SEC23A: variants seen among roughly 807,000 people sequenced by gnomAD.
The protein encoded by SEC23A is protein transport protein Sec23A.
Under a neutral mutation model 103.7 loss-of-function variants are expected in SEC23A, and 56 were observed. The ratio of observed to expected loss-of-function variants is 0.54; its 90% CI spans 0.44 to 0.67. The LOEUF is 0.67. Ranked by LOEUF, SEC23A falls within the 30% of genes least tolerant of loss-of-function variation. The probability of loss-of-function intolerance (pLI) is 0.00; values close to 1 mark genes in which losing one functional copy is unlikely to be tolerated. For synonymous variants in SEC23A, 281 were observed against 293.0 expected (o/e 0.96, Z 0.42); for missense variants, 784 against 936.4 (o/e 0.84, Z 2.12).
chr14:39,069,401 A>G (rs1342109888), intron 9 of SEC23A, among the ~76,000 whole-genome samples: 2 of 151,416 alleles, frequency 1.3e-5, no homozygotes, highest in Non-Finnish European at 2.9e-5. Flanking sequence ...CTCCTCACTC[A>G]CTCCATTCCA....
At chr14:39,081,228 C>CAA (rs1212333615) in intron 7 of SEC23A, among the ~76,000 whole-genome samples, 11 of 150,572 alleles carry the variant, frequency 7.3e-5, no homozygotes, top group African/African-American at 2.7e-4. Context: ...AAAACACACA[C>CAA]ACATCAAGGT....
chr14:39,054,659 G>C, intron 14 of SEC23A, among the ~76,000 whole-genome samples: 1 of 152,006 alleles, frequency 6.6e-6, no homozygotes, highest in African/African-American at 2.4e-5. Flanking sequence ...GAGAGACAGG[G>C]GTTTCGCCAT....
At chr14:39,062,496 C>G (rs1423761515) in intron 12 of SEC23A, among the ~76,000 whole-genome samples, 2 of 151,878 alleles carry the variant, frequency 1.3e-5, no homozygotes, top group Non-Finnish European at 2.9e-5. Flanking sequence ...AAGATGAAAG[C>G]AGAACTTTTA....
chr14:39,072,926 C>T (rs1299353928), intron 9 of SEC23A, among the ~76,000 whole-genome samples: 2 of 152,154 alleles, frequency 1.3e-5, no homozygotes, highest in African/African-American at 2.4e-5. Flanking sequence ...TTGGGAAAAT[C>T]GTTAGACAGT....
At chr14:39,086,093 G>A (rs1887434183) in intron 6 of SEC23A, among the ~76,000 whole-genome samples, 187 bp from the exon 7 acceptor site, 1 of 152,124 alleles carries the variant, frequency 6.6e-6, no homozygotes, top group African/African-American at 2.4e-5. Flanking sequence ...CTAGGTCCCA[G>A]TTCTAGAGTT....
chr14:39,063,435 T>C (rs1051536207), intron 11 of SEC23A, 22 bp from the exon 12 acceptor site: 2 of 1,427,054 alleles, frequency 1.4e-6, no homozygotes, highest in African/African-American at 1.4e-5. Context: ...AAATATAGCA[T>C]GTTTGAAAGC....
At chr14:39,040,914 A>G (rs761161623) in intron 17 of SEC23A, 27 bp from the exon 18 acceptor site, 2 of 1,583,326 alleles carry the variant, frequency 1.3e-6, no homozygotes, top group South Asian at 2.3e-5. Flanking sequence ...TAAAGAAATT[A>G]CTTTAAATTT....
In SEC23A at chr14:39,091,597, TG is replaced by T; in HGVS notation, c.482del (p.Thr161LysfsTer76). The part of the protein sequence containing the change: ...MQMSLSLLPP[T>X]ALVGLITFGR... The stretch of plus-strand genomic sequence containing the variant: ...CAAAAGTAATAAGTCCAACCAAAGC[TG>T]TAGGTGGTAAAAGACTTAATGACAT... On this transcript the variant is annotated frameshift_variant, in exon 5 of 20. Coordinates refer to ENST00000307712, the MANE Select transcript of SEC23A (RefSeq NM_006364.4). LOFTEE classifies it high-confidence loss of function. 1 of 1,613,984 alleles carries T rather than the reference TG, an allele frequency of 6.2e-7. No individual in the cohort carries two copies. Among genetic ancestry groups the T allele is most frequent in the South Asian group, 1.1e-5 (1 of 91,084 alleles).
chr14:39,065,493 A>G (rs1255257350), intron 10 of SEC23A, among the ~76,000 whole-genome samples: 1 of 152,140 alleles, frequency 6.6e-6, no homozygotes, highest in African/African-American at 2.4e-5. Flanking sequence ...TGTCAGATGA[A>G]TCTTACCCAA....
At chr14:39,102,391 G>C (rs1888134966) in intron 1 of SEC23A, among the ~76,000 whole-genome samples, 1 of 152,184 alleles carries the variant, frequency 6.6e-6, no homozygotes, top group Non-Finnish European at 1.5e-5. Flanking sequence ...AGAGGTTGAG[G>C]GAGTTCAAGT....
At position 39,063,375 on chromosome 14, in the gene SEC23A, A is replaced by G. The variant is rs2139228846; in HGVS notation, c.1347T>C (p.Cys449=). The change falls in exon 12 of 20, where the codon TGT becomes TGC. Residue 449 remains cysteine, a synonymous_variant. Coordinates refer to ENST00000307712, the MANE Select transcript of SEC23A (RefSeq NM_006364.4). ...CTAAGGTTGTAGTGGGACTAAGTCCACATATCTTCCACTGACATGTGCCAC... is the reference window on the plus strand; with the variant it reads ...CTAAGGTTGTAGTGGGACTAAGTCCGCATATCTTCCACTGACATGTGCCAC... ...GTGGTCQWKI[C]GLSPTTTLAI... The G allele has an allele frequency of 3.1e-6, 5 of 1,612,724 alleles. No individual in the cohort carries two copies. The highest frequency in any genetic ancestry group is 4.2e-6 in the Non-Finnish European group (5 of 1,178,938).
At chr14:39,095,762 C>T (rs747190595) in intron 2 of SEC23A, 136 bp downstream of exon 2, 9 of 694,834 alleles carry the variant, frequency 1.3e-5, no homozygotes, top group Non-Finnish European at 2.2e-5. Context: ...TTACAGCTCT[C>T]TGGATTGTTT....
chr14:39,084,369 T>G (rs895995645), intron 7 of SEC23A, among the ~76,000 whole-genome samples: 3 of 152,124 alleles, frequency 2.0e-5, no homozygotes, highest in African/African-American at 7.2e-5. Context: ...AGCATAAAAT[T>G]TTCAAATTCT....
At chr14:39,050,082 G>C (rs1446749231) in intron 14 of SEC23A, among the ~76,000 whole-genome samples, 3 of 151,912 alleles carry the variant, frequency 2.0e-5, no homozygotes, top group Admixed American at 6.6e-5. Context: ...ACAATTTTTT[G>C]AACACCTGTA....
At chr14:39,102,089 G>A (rs935569635) in intron 1 of SEC23A, among the ~76,000 whole-genome samples, 2 of 152,154 alleles carry the variant, frequency 1.3e-5, no homozygotes, top group South Asian at 2.1e-4. Context: ...AAAATTAGCC[G>A]GGCATAGTAG....
In SEC23A at chr14:39,063,359, T is replaced by C. The variant is rs1886543693; in HGVS notation, c.1363A>G (p.Thr455Ala). ...QWKICGLSPT[T>A]TLAIYFEVVN... ...ACCTCAAAATATATGGCTAAGGTTG[T>C]AGTGGGACTAAGTCCACATATCTTC... The change falls in exon 12 of 20, where the codon ACA becomes GCA. Residue 455 changes from threonine to alanine, a missense_variant. This residue lies in a region of SEC23A where 683 missense variants were observed against 774.2 expected (regional missense o/e 0.88). Coordinates refer to ENST00000307712, the MANE Select transcript of SEC23A (RefSeq NM_006364.4). 1 of 1,612,498 alleles carries C rather than the reference T, an allele frequency of 6.2e-7. No individual in the cohort carries two copies. Among genetic ancestry groups the C allele is most frequent in the African/African-American group, 1.3e-5 (1 of 75,022 alleles).
At chr14:39,054,351 T>A (rs1256344098) in intron 14 of SEC23A, among the ~76,000 whole-genome samples, 1 of 152,136 alleles carries the variant, frequency 6.6e-6, no homozygotes, top group African/African-American at 2.4e-5. Context: ...TTCTGGCATG[T>A]TAAAAATCTA....
chr14:39,073,164 C>T (rs558151525), intron 9 of SEC23A, among the ~76,000 whole-genome samples: 5 of 152,094 alleles, frequency 3.3e-5, no homozygotes, highest in Non-Finnish European at 7.3e-5. Flanking sequence ...TGCACTTTAG[C>T]CCCTTGTTCC....
Position 39,039,070 on chromosome 14 carries a change from G to A in SEC23A, c.2169C>T (p.Asn723=), listed in dbSNP as rs765077618. The change falls in exon 19 of 20, where the codon AAC becomes AAT. Residue 723 remains asparagine (N), a synonymous_variant. Transcript: ENST00000307712. ...SQARFLLSKV[N]PSQTHNNMYA... is the part of the protein sequence containing the mutation. Reference sequence around the variant, plus strand: ...ACATATTATTATGAGTCTGTGAAGGGTTGACTTTTGAAAGGAGGAAACGGG... The same window carrying A: ...ACATATTATTATGAGTCTGTGAAGGATTGACTTTTGAAAGGAGGAAACGGG... 2.5e-5 allele frequency: 40 copies of A among 1,613,752 alleles called. No individual in the cohort carries two copies. Among genetic ancestry groups the A allele is most frequent in the Middle Eastern group, 1.7e-4 (1 of 6,054 alleles).
Sources: gnomAD v4.1 joint callset for allele counts (sites outside exome capture counted in the v4.1 genomes callset) on GRCh38, gnomAD v4.1.1 for gene constraint, gnomAD v4.1.1 regional missense constraint, MANE v1.5 for transcripts, NCBI Gene and HGNC (gene_info 2026-07-23, HGNC 2026-07-21) for gene names.